The following GNB5 variants were observed in gnomAD, a reference collection of about 807,000 sequenced individuals.
GNB5 encodes G protein subunit beta 5, also known as guanine nucleotide-binding protein subunit beta-5.
GNB5 carries 37 observed loss-of-function variants against 55.3 expected under a neutral mutation model. That is an observed-to-expected ratio of 0.67 (90% CI 0.51 to 0.88). The LOEUF (loss-of-function observed/expected upper bound fraction) is 0.88. Among genes scored for constraint, GNB5 ranks in the 40% least tolerant of loss-of-function variants. The pLI is 0.00. For synonymous variants in GNB5, 219 were observed against 198.5 expected, an observed-to-expected ratio of 1.10 and a Z score of -0.87; for missense variants, 476 against 515.3, an observed-to-expected ratio of 0.92 and a Z score of 0.74.
At chr15:52,157,165 T>C (rs898187691) in intron 3 of GNB5, among the ~76,000 whole-genome samples, 21 of 152,060 alleles carry the variant, frequency 1.4e-4, no homozygotes, top group African/African-American at 5.1e-4. Flanking sequence ...CTCAATCTTC[T>C]GACCTTGTGA....
At chr15:52,179,713 C>G (rs1222475485) in intron 3 of GNB5, 55 bp downstream of exon 3, 3 of 1,196,012 alleles carry the variant, frequency 2.5e-6, no homozygotes, top group Non-Finnish European at 3.3e-6. Context: ...CGTCCCCGCC[C>G]GGGAAGTGGC....
At chr15:52,185,387 T>A (rs751857957) in intron 1 of GNB5, among the ~76,000 whole-genome samples, 4 of 152,150 alleles carry the variant, frequency 2.6e-5, no homozygotes, top group Non-Finnish European at 4.4e-5. Context: ...TCTTAAAATC[T>A]ACCCTTCTGG....
chr15:52,157,183 G>A (rs1356433942), intron 3 of GNB5, among the ~76,000 whole-genome samples: 3 of 151,194 alleles, frequency 2.0e-5, no homozygotes, highest in Admixed American at 6.6e-5. Flanking sequence ...TGATCCGCCA[G>A]CCTCGGCCTC....
rs2034925857 is a variant in GNB5 at position 52,191,367 on chromosome 15, G to A, written c.-64C>T. The A allele has an allele frequency of 6.6e-6, 1 of 152,360 alleles. No individual in the cohort carries two copies. The highest frequency in any genetic ancestry group is 2.1e-4 in the South Asian group (1 of 4,828). 9.4% of individuals were successfully genotyped at this position (152,360 alleles called of 1,614,324 possible). A position where few individuals can be genotyped will look rare whatever the true frequency, so the allele number is the denominator to read the frequency against. ...AGCCACAGAGCAGATGGTGAGAGGT[G>A]AGGACCAGCGCGCAGCTTGAGGTGT... On this transcript the variant is annotated 5_prime_UTR_variant, in exon 1 of 13. Coordinates refer to ENST00000261837, the MANE Select transcript of GNB5 (RefSeq NM_016194.4).
chr15:52,160,162 G>A (rs542986711), intron 3 of GNB5, among the ~76,000 whole-genome samples: 77 of 152,184 alleles, frequency 5.1e-4, no homozygotes, highest in Admixed American at 9.8e-4. Flanking sequence ...TGGCCAGGCC[G>A]GTCTCGAACT....
At chr15:52,137,011 A>C (rs768254614) in intron 7 of GNB5, 1 of 454,056 alleles carries the variant, frequency 2.2e-6, no homozygotes, top group African/African-American at 2.0e-5. Context: ...CCAGACTCAA[A>C]GACTGTTCGC....
At chr15:52,189,575 G>A (rs116319913) in intron 1 of GNB5, among the ~76,000 whole-genome samples, 3,495 of 152,092 alleles carry the variant, frequency 0.023, 136 homozygotes, top group African/African-American at 0.08. Flanking sequence ...GTGAGACTCC[G>A]TCTCAGAACA....
intron 4 of GNB5, among the ~76,000 whole-genome samples, chr15:52,150,985 G>T (rs1441893987): frequency 2.6e-5 from 4 of 152,236 alleles, no homozygotes; most frequent in Non-Finnish European, 4.4e-5. Context: ...AGCAAGATCG[G>T]ATCTGCAGTG....
At chr15:52,177,268 CAT>C (rs2034670421) in intron 3 of GNB5, among the ~76,000 whole-genome samples, 1 of 151,700 alleles carries the variant, frequency 6.6e-6, no homozygotes, top group Admixed American at 6.6e-5. Context: ...CTCCTGACCT[CAT>C]GATCCACCCG....
chr15:52,122,566 GGC>G lies in GNB5; in HGVS notation c.*189_*190del. ...TTGAAGGTATTCTCGCAGTGCTGAA[GGC>G]TCACACTAGTGTATTTCCAGAGGTG... On this transcript the variant is annotated 3_prime_UTR_variant, in exon 13 of 13. Coordinates refer to ENST00000261837, the MANE Select transcript of GNB5 (RefSeq NM_016194.4). 1.7e-6 allele frequency: 1 copy of G among 594,524 alleles called. No homozygotes were observed. Among genetic ancestry groups the G allele is most frequent in the Non-Finnish European group, 3.0e-6 (1 of 334,430 alleles). 36.8% of individuals were successfully genotyped at this position (594,524 alleles called of 1,614,324 possible). A position where few individuals can be genotyped will look rare whatever the true frequency, so the allele number is the denominator to read the frequency against.
chr15:52,190,278 C>T (rs1421605914), intron 1 of GNB5, among the ~76,000 whole-genome samples: 1 of 151,958 alleles, frequency 6.6e-6, no homozygotes, highest in Non-Finnish European at 1.5e-5. Context: ...CCACCTCACC[C>T]GGCTAATTTC....
chr15:52,160,808 C>T (rs2141222162), intron 3 of GNB5, among the ~76,000 whole-genome samples: 1 of 152,186 alleles, frequency 6.6e-6, no homozygotes, highest in African/African-American at 2.4e-5. Flanking sequence ...CACACCCAGC[C>T]TATCATTTTT....
At chr15:52,141,370 G>T in intron 6 of GNB5, 98 bp from the exon 7 acceptor site, 1 of 1,000,026 alleles carries the variant, frequency 1.0e-6, no homozygotes, top group Non-Finnish European at 1.6e-6. Context: ...ATTCTCTTTA[G>T]CAGTATCATA....
At chr15:52,138,953 C>T (rs140389463) in intron 7 of GNB5, 383 of 151,978 alleles carry the variant, frequency 2.5e-3, no homozygotes, top group African/African-American at 8.9e-3. Flanking sequence ...TAAACAGAAC[C>T]CCTAACTCAT....
intron 4 of GNB5, among the ~76,000 whole-genome samples, chr15:52,151,468 C>T (rs1423510740): frequency 6.6e-6 from 1 of 152,154 alleles, no homozygotes; most frequent in African/African-American, 2.4e-5. Context: ...TGCCTCTATC[C>T]CCAAGCCTTA....
chr15:52,148,873 T>C (rs760953543), intron 5 of GNB5, among the ~76,000 whole-genome samples: 7 of 152,174 alleles, frequency 4.6e-5, no homozygotes, highest in Non-Finnish European at 1.0e-4. Context: ...TCACAAGTAA[T>C]GGCTATATTC....
rs1262451479 is a variant in GNB5 at position 52,117,130 on chromosome 15, C to T, written c.*5627G>A. 1.0e-5 allele frequency: 1 copy of T among 98,268 alleles called. No homozygotes were observed. Among genetic ancestry groups the T allele is most frequent in the Non-Finnish European group, 1.9e-5 (1 of 53,792 alleles). 6.1% of individuals were successfully genotyped at this position (98,268 alleles called of 1,614,324 possible). A position where few individuals can be genotyped will look rare whatever the true frequency, so the allele number is the denominator to read the frequency against. ...TTTTTTTAGTACAGACAGGGTTTCACCGTGTTAGCCAGGATGGTCTCGATC... is the reference window on the plus strand; with the variant it reads ...TTTTTTTAGTACAGACAGGGTTTCATCGTGTTAGCCAGGATGGTCTCGATC... On this transcript the variant is annotated 3_prime_UTR_variant, in exon 13 of 13. Coordinates refer to ENST00000261837, the MANE Select transcript of GNB5 (RefSeq NM_016194.4).
At chr15:52,159,472 C>A (rs2034285607) in intron 3 of GNB5, among the ~76,000 whole-genome samples, 1 of 152,198 alleles carries the variant, frequency 6.6e-6, no homozygotes, top group Non-Finnish European at 1.5e-5. Flanking sequence ...GGATGTTCTC[C>A]TTCCCATGTC....
intron 6 of GNB5, among the ~76,000 whole-genome samples, chr15:52,143,340 G>T (rs748370849): frequency 1.3e-5 from 2 of 152,184 alleles, no homozygotes; most frequent in Non-Finnish European, 2.9e-5. Context: ...ATTGCTATGA[G>T]AAGCAGGAAG....
Sources: allele counts gnomAD v4.1 joint callset (sites outside exome capture counted in the v4.1 genomes callset), GRCh38; gene constraint gnomAD v4.1.1; transcripts MANE v1.5; gene names NCBI Gene and HGNC (gene_info 2026-07-23, HGNC 2026-07-21).